SAMD3: variants seen among roughly 807,000 people sequenced by gnomAD.
SAMD3 encodes sterile alpha motif domain containing 3, also known as sterile alpha motif domain-containing protein 3.
In SAMD3, 63 loss-of-function variants were observed where a neutral mutation model predicts 58.5. That is an observed-to-expected ratio of 1.08 (90% CI 0.88 to 1.33). The LOEUF is 1.33. SAMD3 is among the 40% of genes most tolerant of loss of function. The probability of loss-of-function intolerance (pLI) is 0.00; values close to 1 mark genes in which losing one functional copy is unlikely to be tolerated. For missense variants in SAMD3, 604 were observed against 608.4 expected, an observed-to-expected ratio of 0.99 and a Z score of 0.08; for synonymous variants, 220 against 210.3, an observed-to-expected ratio of 1.05 and a Z score of -0.40.
At chr6:130,285,194 T>A (rs756978908) in intron 2 of SAMD3, among the ~76,000 whole-genome samples, 1 of 152,164 alleles carries the variant, frequency 6.6e-6, no homozygotes, top group African/African-American at 2.4e-5. Flanking sequence ...GAGATATGAA[T>A]TGGATATATA....
intron 1 of SAMD3, among the ~76,000 whole-genome samples, chr6:130,328,768 G>A (rs1394744199): frequency 6.6e-6 from 1 of 152,188 alleles, no homozygotes. Flanking sequence ...TACCCAGTTT[G>A]CTGGAACTCT....
intron 1 of SAMD3, among the ~76,000 whole-genome samples, chr6:130,341,490 A>G (rs1180069098): frequency 6.6e-6 from 1 of 152,232 alleles, no homozygotes; most frequent in Non-Finnish European, 1.5e-5. Context: ...AGCTTACTCT[A>G]GTTAGTTGAA....
In SAMD3 at chr6:130,318,005, G is replaced by C. The variant is rs903544324; in HGVS notation, c.-303-4912C>G. 2.6e-5 allele frequency among the ~76,000 whole-genome samples: 4 copies of C among 152,292 alleles called. No individual in the cohort carries two copies. The East Asian group carries it at 7.7e-4, about 29-fold the overall frequency. ...GAGAACTACATAGATTGAAAACTACGCAGACCTGTAGGGAGTCTTTAAGTA... is the reference window on the plus strand; with the variant it reads ...GAGAACTACATAGATTGAAAACTACCCAGACCTGTAGGGAGTCTTTAAGTA... On this transcript the variant is annotated intron_variant, in intron 1 of 13. Transcript: ENST00000368134.
chr6:130,207,434 A>G (rs1285909466), intron 5 of SAMD3, among the ~76,000 whole-genome samples: 2 of 152,176 alleles, frequency 1.3e-5, no homozygotes, highest in Non-Finnish European at 2.9e-5. Context: ...ATGAGGATAC[A>G]GAGACAGAGT....
chr6:130,342,326 T>G (rs988496013), intron 1 of SAMD3, among the ~76,000 whole-genome samples: 2 of 152,224 alleles, frequency 1.3e-5, no homozygotes, highest in Admixed American at 1.3e-4. Flanking sequence ...AGCTGTTTTT[T>G]GCTATCATGC....
intron 2 of SAMD3, chr6:130,215,690 T>C: frequency 4.9e-6 from 7 of 1,442,692 alleles, no homozygotes; most frequent in Non-Finnish European, 5.5e-6. Flanking sequence ...CAGGAAGTGG[T>C]TGACATTTAC....
At chr6:130,337,048 G>A (rs1284522767) in intron 1 of SAMD3, among the ~76,000 whole-genome samples, 6 of 152,196 alleles carry the variant, frequency 3.9e-5, no homozygotes, top group African/African-American at 7.2e-5. Context: ...CAGCAGTACC[G>A]TTTGCACTGA....
intron 2 of SAMD3, among the ~76,000 whole-genome samples, chr6:130,263,983 A>G (rs1268765051): frequency 6.6e-6 from 1 of 152,222 alleles, no homozygotes; most frequent in Non-Finnish European, 1.5e-5. Flanking sequence ...CTAGAGGATC[A>G]TGGAAGTTAA....
chr6:130,356,395 A>G (rs575731339), intron 1 of SAMD3, among the ~76,000 whole-genome samples: 1 of 152,338 alleles, frequency 6.6e-6, no homozygotes, highest in East Asian at 1.9e-4. Context: ...TATCTGCTCA[A>G]ATATTACATC....
chr6:130,162,992 G>T (rs1266211753), intron 8 of SAMD3, among the ~76,000 whole-genome samples: 1 of 151,484 alleles, frequency 6.6e-6, no homozygotes, highest in Non-Finnish European at 1.5e-5. Flanking sequence ...TTGCCCAGCT[G>T]GATTCTAACT....
At chr6:130,183,115 T>G (rs970269973) in intron 7 of SAMD3, 4 of 313,950 alleles carry the variant, frequency 1.3e-5, no homozygotes, top group Non-Finnish European at 2.5e-5. Context: ...ACAGCAAACT[T>G]TGTGTTGAAA....
chr6:130,172,268 A>G (rs1791319967), intron 8 of SAMD3, among the ~76,000 whole-genome samples: 1 of 152,070 alleles, frequency 6.6e-6, no homozygotes, highest in African/African-American at 2.4e-5. Flanking sequence ...CTAGCTGGTT[A>G]TTTTGCCCAT....
chr6:130,358,725 TTA>T (rs1777903366), intron 1 of SAMD3, among the ~76,000 whole-genome samples: 1 of 123,278 alleles, frequency 8.1e-6, no homozygotes, highest in South Asian at 2.7e-4. Flanking sequence ...CCACTATGTC[TTA>T]CACACACACA....
intron 4 of SAMD3, among the ~76,000 whole-genome samples, chr6:130,213,686 C>A (rs1054766650): frequency 6.6e-6 from 1 of 152,084 alleles, no homozygotes; most frequent in Non-Finnish European, 1.5e-5. Flanking sequence ...ATCCTGTTAT[C>A]ATTTCTTTTC....
chr6:130,356,746 G>C (rs1331042191), intron 1 of SAMD3, among the ~76,000 whole-genome samples: 2 of 152,166 alleles, frequency 1.3e-5, no homozygotes, highest in Non-Finnish European at 2.9e-5. Context: ...TCATTGAATT[G>C]AGCTCAATCC....
intron 9 of SAMD3, among the ~76,000 whole-genome samples, chr6:130,149,402 G>A (rs1264502347): frequency 6.6e-6 from 1 of 152,136 alleles, no homozygotes; most frequent in Non-Finnish European, 1.5e-5. Flanking sequence ...TATAAAGAAA[G>A]ACGCATGCAC....
intron 2 of SAMD3, among the ~76,000 whole-genome samples, chr6:130,292,017 T>TGTTTTCA (rs1221728432): frequency 1.3e-5 from 2 of 152,210 alleles, no homozygotes; most frequent in Non-Finnish European, 2.9e-5. Flanking sequence ...ATTATTAAGC[T>TGTTTTCA]AATCTAATAC....
chr6:130,311,874 T>C (rs969012020), intron 2 of SAMD3, among the ~76,000 whole-genome samples: 4 of 152,124 alleles, frequency 2.6e-5, no homozygotes, highest in Non-Finnish European at 4.4e-5. Context: ...ACTACAGGAA[T>C]AGATTTCATT....
intron 2 of SAMD3, among the ~76,000 whole-genome samples, chr6:130,249,934 C>T (rs1773683648): frequency 6.6e-6 from 1 of 152,152 alleles, no homozygotes; most frequent in African/African-American, 2.4e-5. Flanking sequence ...AGTCCAGATA[C>T]AAGCTTTATG....
Sources: gnomAD v4.1 joint callset for allele counts (sites outside exome capture counted in the v4.1 genomes callset) on GRCh38, gnomAD v4.1.1 for gene constraint, MANE v1.5 for transcripts, NCBI Gene and HGNC (gene_info 2026-07-23, HGNC 2026-07-21) for gene names.